GALNTL6: variants seen among roughly 807,000 people sequenced by gnomAD.
GALNTL6 encodes the protein polypeptide N-acetylgalactosaminyltransferase like 6.
In GALNTL6, 46 loss-of-function variants were observed where a neutral mutation model predicts 73.7. That is an observed-to-expected ratio of 0.62 (90% CI 0.49 to 0.80). GALNTL6 has a LOEUF of 0.80. GALNTL6 is among the 30% of genes least tolerant of loss of function. The probability of loss-of-function intolerance (pLI) is 0.00; values close to 1 mark genes in which losing one functional copy is unlikely to be tolerated. For missense variants in GALNTL6, 604 were observed against 755.0 expected (o/e 0.80, Z 2.34); for synonymous variants, 259 against 263.7 (o/e 0.98, Z 0.17).
At chr4:172,113,721 T>C (rs181693864) in intron 2 of GALNTL6, among the ~76,000 whole-genome samples, 2 of 152,178 alleles carry the variant, frequency 1.3e-5, no homozygotes, top group Non-Finnish European at 2.9e-5. Flanking sequence ...AGGAAACGCA[T>C]TGAGATTTAA....
intron 5 of GALNTL6, among the ~76,000 whole-genome samples, chr4:172,779,308 G>T (rs1418365389): frequency 6.6e-6 from 1 of 152,150 alleles, no homozygotes; most frequent in Non-Finnish European, 1.5e-5. Flanking sequence ...ACGTGCTTCA[G>T]AGAGCAGAAA....
intron 3 of GALNTL6, among the ~76,000 whole-genome samples, chr4:172,258,348 T>C (rs999556139): frequency 2.0e-5 from 3 of 151,302 alleles, no homozygotes; most frequent in Non-Finnish European, 4.4e-5. Context: ...CATTCTGAAG[T>C]TGCACACAAA....
At chr4:172,739,004 A>G (rs1368911359) in intron 5 of GALNTL6, among the ~76,000 whole-genome samples, 1 of 152,194 alleles carries the variant, frequency 6.6e-6, no homozygotes, top group Non-Finnish European at 1.5e-5. Context: ...GGCTTCAGGG[A>G]GAATAAATTG....
At chr4:172,598,006 T>G (rs1274246157) in intron 5 of GALNTL6, among the ~76,000 whole-genome samples, 1 of 152,048 alleles carries the variant, frequency 6.6e-6, no homozygotes, top group Non-Finnish European at 1.5e-5. Context: ...ATCTTCTCTA[T>G]CCATGGCATT....
chr4:172,992,555 T>A lies in GALNTL6; in HGVS notation c.1372-16623T>A, dbSNP rs529109347. Reference sequence around the variant, plus strand: ...AAGGCAATTAATTAGAGCTCTTTTATTTATTTTAATAATGAGGCATCACAC... The same window carrying A: ...AAGGCAATTAATTAGAGCTCTTTTAATTATTTTAATAATGAGGCATCACAC... On this transcript the variant is annotated intron_variant, in intron 10 of 12. Transcript: ENST00000506823. Among the ~76,000 whole-genome samples the A allele has an allele frequency of 1.1e-3, 163 of 152,342 alleles. 4 individuals are homozygous for A. Among genetic ancestry groups the A allele is most frequent in the Admixed American group, 2.5e-3 (39 of 15,306 alleles).
chr4:172,642,172 C>T (rs1161977837), intron 5 of GALNTL6, among the ~76,000 whole-genome samples: 1 of 151,756 alleles, frequency 6.6e-6, no homozygotes, highest in Non-Finnish European at 1.5e-5. Flanking sequence ...TATGAAGCTT[C>T]CTCAAAAAAT....
At chr4:171,822,251 T>G (rs1443776700) in intron 2 of GALNTL6, among the ~76,000 whole-genome samples, 2 of 152,186 alleles carry the variant, frequency 1.3e-5, no homozygotes, top group East Asian at 3.8e-4. Context: ...AGTTAGCATT[T>G]TTTTCAGTAG....
chr4:172,290,215 A>G (rs1000445205), intron 3 of GALNTL6, among the ~76,000 whole-genome samples: 2 of 143,014 alleles, frequency 1.4e-5, no homozygotes, highest in African/African-American at 5.5e-5. Flanking sequence ...TTGAAACACC[A>G]TGAATTGTAA....
At chr4:171,934,202 C>T (rs939253990) in intron 2 of GALNTL6, among the ~76,000 whole-genome samples, 2 of 152,136 alleles carry the variant, frequency 1.3e-5, no homozygotes, top group African/African-American at 4.8e-5. Context: ...AAGATTACAG[C>T]ATTGCTCTCA....
intron 2 of GALNTL6, among the ~76,000 whole-genome samples, chr4:171,932,829 A>C (rs1738227094): frequency 6.6e-6 from 1 of 152,242 alleles, no homozygotes; most frequent in African/African-American, 2.4e-5. Context: ...ATAGATGAAT[A>C]AATTGCATCT....
At chr4:172,147,010 A>G (rs538121920) in intron 2 of GALNTL6, among the ~76,000 whole-genome samples, 6 of 151,074 alleles carry the variant, frequency 4.0e-5, no homozygotes, top group Admixed American at 2.0e-4. Flanking sequence ...GACTGTCAAA[A>G]CACAGTTACA....
rs576939440 is a variant in GALNTL6, at chr4:172,622,192, C to T, written c.554-187169C>T. Reference sequence around the variant, plus strand: ...AAAAATAGTCCAGTTTTCCCAACATCCTGTTAATAGGAACTCAAGAAACAG... The same window carrying T: ...AAAAATAGTCCAGTTTTCCCAACATTCTGTTAATAGGAACTCAAGAAACAG... On this transcript the variant is annotated intron_variant, in intron 5 of 12. Transcript: ENST00000506823. Among the ~76,000 whole-genome samples the T allele has an allele frequency of 2.6e-5, 4 of 152,196 alleles. No individual in the cohort carries two copies. In the South Asian group the frequency reaches 6.2e-4, roughly 24 times the overall value.
chr4:172,994,444 C>T (rs910569554), intron 10 of GALNTL6, among the ~76,000 whole-genome samples: 1 of 152,062 alleles, frequency 6.6e-6, no homozygotes, highest in African/African-American at 2.4e-5. Flanking sequence ...GCTGTGAGCT[C>T]CACAAAACAG....
At chr4:172,835,964 G>A (rs17058946) in intron 7 of GALNTL6, among the ~76,000 whole-genome samples, 20,510 of 152,136 alleles carry the variant, frequency 0.13, 2,527 homozygotes, top group African/African-American at 0.31. Context: ...AGTTCAGCCC[G>A]GCTAATGAAG....
chr4:171,976,755 G>T (rs200377013), intron 2 of GALNTL6, among the ~76,000 whole-genome samples: 366 of 152,288 alleles, frequency 2.4e-3, no homozygotes, highest in Middle Eastern at 6.8e-3. Flanking sequence ...GAACCCATGT[G>T]ATGTGGACCA....
At chr4:172,585,505 T>G (rs1408473321) in intron 5 of GALNTL6, among the ~76,000 whole-genome samples, 4 of 152,174 alleles carry the variant, frequency 2.6e-5, no homozygotes, top group Admixed American at 6.5e-5. Context: ...GAACATGTGG[T>G]GTTTGGTTTT....
In GALNTL6 at chr4:172,809,079, AG is replaced by A. The variant is rs1481335881; in HGVS notation, c.554-280del. Among the ~76,000 whole-genome samples, 4 of 152,204 alleles carry A rather than the reference AG, an allele frequency of 2.6e-5. No homozygotes were observed. Among genetic ancestry groups the A allele is most frequent in the Non-Finnish European group, 4.4e-5 (3 of 68,028 alleles). On this transcript the variant is annotated intron_variant, in intron 5 of 12. Coordinates refer to ENST00000506823, the MANE Select transcript of GALNTL6 (RefSeq NM_001034845.3). The surrounding 1 kb of genome is among the most constrained non-coding windows in gnomAD (Gnocchi z 4.4). ...GAAGCCCATCTTTGGAGTGTTGGCTAGGATTACACGCTGCAGCTGTCAGCCA... is the reference window on the plus strand; with the variant it reads ...GAAGCCCATCTTTGGAGTGTTGGCTAGATTACACGCTGCAGCTGTCAGCCA...
chr4:172,086,491 T>TTATAAACTTTATTCCTAAAGTTTATTCC (rs1225038294), intron 2 of GALNTL6, among the ~76,000 whole-genome samples: 15 of 152,168 alleles, frequency 9.9e-5, no homozygotes, highest in Non-Finnish European at 1.6e-4. Context: ...TATTTTATTG[T>TTATAAACTTTATTCCTAAAGTTTATTCC]TATAAACTTT....
intron 5 of GALNTL6, among the ~76,000 whole-genome samples, chr4:172,531,404 C>T (rs930975673): frequency 6.6e-6 from 1 of 152,200 alleles, no homozygotes; most frequent in Non-Finnish European, 1.5e-5. Flanking sequence ...TTTTATATCA[C>T]TTGTCCTACC....
Sources: gnomAD v4.1 joint callset for allele counts (sites outside exome capture counted in the v4.1 genomes callset) on GRCh38, gnomAD v4.1.1 for gene constraint, Gnocchi (gnomAD v3.1) non-coding constraint, MANE v1.5 for transcripts, NCBI Gene and HGNC (gene_info 2026-07-23, HGNC 2026-07-21) for gene names.